DPP10: variants seen among roughly 807,000 people sequenced by gnomAD.
DPP10 encodes the protein inactive dipeptidyl peptidase 10.
DPP10 carries 33 observed loss-of-function variants against 120.9 expected under a neutral mutation model. The ratio of observed to expected loss-of-function variants is 0.27; its 90% CI spans 0.21 to 0.37. The LOEUF is 0.37. Among genes scored for constraint, DPP10 ranks in the 10% least tolerant of loss-of-function variants. The probability of loss-of-function intolerance (pLI) is 1.00; values close to 1 mark genes in which losing one functional copy is unlikely to be tolerated. For missense variants in DPP10, 816 were observed against 942.8 expected, an observed-to-expected ratio of 0.87 and a Z score of 1.76; for synonymous variants, 337 against 326.1, an observed-to-expected ratio of 1.03 and a Z score of -0.36.
intron 3 of DPP10, among the ~76,000 whole-genome samples, chr2:115,395,215 C>A (rs1216171105): frequency 6.6e-6 from 1 of 152,222 alleles, no homozygotes; most frequent in Non-Finnish European, 1.5e-5. Flanking sequence ...TGCAGACCCC[C>A]ACTCTTCTGC....
chr2:114,888,795 G>T (rs180715450), intron 1 of DPP10, among the ~76,000 whole-genome samples: 121 of 152,208 alleles, frequency 7.9e-4, no homozygotes, highest in African/African-American at 2.6e-3. Flanking sequence ...CTTTACAATG[G>T]GCATTCCACT....
chr2:114,579,710 G>A (rs1285700837), intron 1 of DPP10, among the ~76,000 whole-genome samples: 1 of 152,180 alleles, frequency 6.6e-6, no homozygotes, highest in African/African-American at 2.4e-5. Context: ...AGAAGGGACA[G>A]GTTTCTTTTT....
rs1283715027 is a variant in DPP10, at chr2:115,088,762, A to AAAAAAC, written c.61-220472_61-220471insCAAAAA. ...CCACTGTGCCTGACAAAAAAAAAAA[A>AAAAAAC]AAAAAAACCAAAAAACAAAAAAAAC... On this transcript the variant is annotated intron_variant, in intron 1 of 25. Transcript: ENST00000410059. 2.8e-3 allele frequency among the ~76,000 whole-genome samples: 418 copies of AAAAAAC among 150,414 alleles called. 9 individuals carry two copies. Among genetic ancestry groups the AAAAAAC allele is most frequent in the Middle Eastern group, 6.9e-3 (2 of 288 alleles).
intron 3 of DPP10, among the ~76,000 whole-genome samples, chr2:115,493,864 C>A (rs1046623505): frequency 6.6e-6 from 1 of 152,020 alleles, no homozygotes; most frequent in African/African-American, 2.4e-5. Flanking sequence ...AGGTGGAAAC[C>A]CCTCAGGCAA....
At chr2:115,415,303 A>G (rs1308476630) in intron 3 of DPP10, among the ~76,000 whole-genome samples, 3 of 152,166 alleles carry the variant, frequency 2.0e-5, no homozygotes, top group African/African-American at 7.2e-5. Flanking sequence ...GATCAGTTCA[A>G]GTCCTAGCCG....
At chr2:114,554,238 G>A (rs1414445266) in intron 1 of DPP10, among the ~76,000 whole-genome samples, 1 of 152,196 alleles carries the variant, frequency 6.6e-6, no homozygotes, top group Admixed American at 6.5e-5. Flanking sequence ...GATACCTTAA[G>A]GGGCTTTCTC....
At chr2:114,756,796 G>A (rs1325121052) in intron 1 of DPP10, among the ~76,000 whole-genome samples, 1 of 150,830 alleles carries the variant, frequency 6.6e-6, no homozygotes, top group African/African-American at 2.4e-5. Flanking sequence ...TTTTTTTCCT[G>A]TCTGAGTAAA....
intron 3 of DPP10, among the ~76,000 whole-genome samples, chr2:115,456,219 T>A (rs551192904): frequency 4.6e-5 from 7 of 152,192 alleles, no homozygotes; most frequent in Non-Finnish European, 8.8e-5. Context: ...AAGCTCATCA[T>A]CACTTTTCAT....
intron 5 of DPP10, among the ~76,000 whole-genome samples, chr2:115,534,737 A>T (rs970264740): frequency 1.9e-4 from 28 of 149,820 alleles, no homozygotes; most frequent in Non-Finnish European, 2.8e-4. Flanking sequence ...ACAGTGTAAA[A>T]GTGTTCCTAT....
chr2:114,502,384 A>C (rs1006643696), intron 1 of DPP10, among the ~76,000 whole-genome samples: 16 of 152,342 alleles, frequency 1.1e-4, no homozygotes, highest in Middle Eastern at 3.4e-3. Flanking sequence ...CAAAATTTTA[A>C]TATAGACAAG....
intron 1 of DPP10, among the ~76,000 whole-genome samples, chr2:114,564,119 G>A (rs563241675): frequency 1.3e-5 from 2 of 152,244 alleles, no homozygotes; most frequent in Admixed American, 6.5e-5. Flanking sequence ...CCTGTGCGGA[G>A]TAAAAGAGGT....
intron 1 of DPP10, among the ~76,000 whole-genome samples, chr2:114,936,679 T>C (rs1696508063): frequency 6.6e-6 from 1 of 152,146 alleles, no homozygotes; most frequent in Non-Finnish European, 1.5e-5. Context: ...CTTTTTTCAC[T>C]GTAGTTGTAC....
intron 1 of DPP10, among the ~76,000 whole-genome samples, chr2:114,677,722 G>A (rs72826514): frequency 0.012 from 1,872 of 152,162 alleles, 12 homozygotes; most frequent in Middle Eastern, 0.027. Context: ...TTCTCTACAC[G>A]CTGCAGATAA....
At chr2:115,631,543 A>G (rs1006353653) in intron 5 of DPP10, among the ~76,000 whole-genome samples, 1 of 152,066 alleles carries the variant, frequency 6.6e-6, no homozygotes, top group African/African-American at 2.4e-5. Context: ...TGATGTGGAC[A>G]TTTTAGTGCT....
intron 3 of DPP10, among the ~76,000 whole-genome samples, chr2:115,480,091 C>G (rs2901335): frequency 0.83 from 125,789 of 151,966 alleles, 55,120 homozygotes; most frequent in Non-Finnish European, 0.97. Context: ...GGAGATCAAG[C>G]AGCACCATCC....
At chr2:115,816,286 G>C (rs1255215694) in intron 21 of DPP10, among the ~76,000 whole-genome samples, 1 of 152,166 alleles carries the variant, frequency 6.6e-6, no homozygotes, top group Non-Finnish European at 1.5e-5. Context: ...AGCGCGGCCA[G>C]TGTCATTAGA....
chr2:114,853,238 G>A (rs1689109163), intron 1 of DPP10, among the ~76,000 whole-genome samples: 2 of 152,112 alleles, frequency 1.3e-5, no homozygotes, highest in African/African-American at 4.8e-5. Flanking sequence ...TGATTGAGGT[G>A]ACTGTTAAAT....
At chr2:115,814,770 G>A (rs754822901) in intron 19 of DPP10, 23 bp from the exon 20 acceptor site, 1 of 1,492,516 alleles carries the variant, frequency 6.7e-7, no homozygotes. Context: ...TCTTGTTTTG[G>A]TCCAATATGT....
At chr2:114,993,320 G>A (rs998341973) in intron 1 of DPP10, among the ~76,000 whole-genome samples, 12 of 150,934 alleles carry the variant, frequency 8.0e-5, no homozygotes, top group Admixed American at 2.7e-4. Flanking sequence ...ACTTGTCATT[G>A]CATATCTGGG....
Sources: allele counts gnomAD v4.1 joint callset (sites outside exome capture counted in the v4.1 genomes callset), GRCh38; gene constraint gnomAD v4.1.1; transcripts MANE v1.5; gene names NCBI Gene and HGNC (gene_info 2026-07-23, HGNC 2026-07-21).